PRKN: variants seen among roughly 807,000 people sequenced by gnomAD.
PRKN encodes the protein E3 ubiquitin-protein ligase parkin.
PRKN carries 56 observed loss-of-function variants against 59.5 expected under a neutral mutation model. That is an observed-to-expected ratio of 0.94 (90% confidence interval 0.76 to 1.18). PRKN has a LOEUF of 1.18. Among genes scored for constraint, PRKN ranks in the 50% most tolerant of loss-of-function variants. The pLI is 0.00. For synonymous variants in PRKN, 250 were observed against 222.1 expected, an observed-to-expected ratio of 1.13 and a Z score of -1.12; for missense variants, 657 against 596.4, an observed-to-expected ratio of 1.10 and a Z score of -1.06.
intron 5 of PRKN, among the ~76,000 whole-genome samples, chr6:161,990,579 A>G (rs568919452): frequency 6.6e-6 from 1 of 152,318 alleles, no homozygotes; most frequent in African/African-American, 2.4e-5. Context: ...CTAAACAAAA[A>G]TCCTGGATCT....
intron 7 of PRKN, among the ~76,000 whole-genome samples, chr6:161,657,590 C>T (rs551989943): frequency 1.4e-4 from 21 of 152,278 alleles, no homozygotes; most frequent in African/African-American, 2.2e-4. Flanking sequence ...AAACATTCAA[C>T]GTTGCAACAA....
chr6:161,629,409 A>T (rs1032098336), intron 7 of PRKN, among the ~76,000 whole-genome samples: 3 of 152,070 alleles, frequency 2.0e-5, no homozygotes, highest in Non-Finnish European at 2.9e-5. Context: ...GCACCCCGGC[A>T]GTTGCTGCCC....
rs74697194 is a variant in PRKN at position 162,640,770 on chromosome 6, C to T, written c.7+86892G>A. Among the ~76,000 whole-genome samples the T allele has an allele frequency of 5.6e-4, 85 of 152,274 alleles. 1 individual carries two copies. The East Asian group carries it at 0.013, about 22-fold the overall frequency. ...GTTTGTAAGGCTGTGCTTGACAATT[C>T]CCTGAAGGGGCAATGGTTCATAATG... On this transcript the variant is annotated intron_variant, in intron 1 of 11. Coordinates refer to ENST00000366898, the MANE Select transcript of PRKN (RefSeq NM_004562.3).
chr6:162,131,177 G>A (rs9458466), intron 4 of PRKN, among the ~76,000 whole-genome samples: 2,398 of 152,212 alleles, frequency 0.016, 77 homozygotes, highest in African/African-American at 0.055. Context: ...ATGACTGACT[G>A]AGAATGCATC....
intron 1 of PRKN, among the ~76,000 whole-genome samples, chr6:162,626,385 A>T (rs1233430448): frequency 6.6e-6 from 1 of 152,192 alleles, no homozygotes; most frequent in African/African-American, 2.4e-5. Context: ...TTTTCCCCTC[A>T]AAGGAAGACA....
At chr6:162,335,521 A>C (rs1447462495) in intron 2 of PRKN, among the ~76,000 whole-genome samples, 1 of 152,198 alleles carries the variant, frequency 6.6e-6, no homozygotes, top group Non-Finnish European at 1.5e-5. Context: ...TGTGCCTGTA[A>C]CAATACCAGA....
rs575993080 is a variant in PRKN at position 161,600,964 on chromosome 6, G to A, written c.872-31548C>T. Among the ~76,000 whole-genome samples the A allele has an allele frequency of 2.0e-5, 3 of 152,200 alleles. No individual in the cohort carries two copies. In the South Asian group the frequency reaches 6.2e-4, roughly 32 times the overall value. Reference sequence around the variant, plus strand: ...AAAAATTCATTACAGTTACCCTTGGGAATCATTCTTTCATCCATTCACTCA... The same window carrying A: ...AAAAATTCATTACAGTTACCCTTGGAAATCATTCTTTCATCCATTCACTCA... On this transcript the variant is annotated intron_variant, in intron 7 of 11. Coordinates refer to ENST00000366898, the MANE Select transcript of PRKN (RefSeq NM_004562.3).
intron 2 of PRKN, among the ~76,000 whole-genome samples, chr6:162,353,222 G>A (rs557012857): frequency 6.6e-6 from 1 of 152,120 alleles, no homozygotes; most frequent in East Asian, 1.9e-4. Flanking sequence ...CTTAAGCAAT[G>A]AAAGTCACAC....
chr6:162,154,788 T>C (rs1177699833), intron 4 of PRKN, among the ~76,000 whole-genome samples: 3 of 152,072 alleles, frequency 2.0e-5, no homozygotes, highest in African/African-American at 7.2e-5. Flanking sequence ...TATGAACTCA[T>C]GTACTCTTTC....
chr6:162,236,684 A>G (rs1778736945), intron 3 of PRKN, among the ~76,000 whole-genome samples: 1 of 152,018 alleles, frequency 6.6e-6, no homozygotes, highest in Non-Finnish European at 1.5e-5. Context: ...AATCCCAGCT[A>G]CTCAGGAGGC....
At chr6:161,976,432 C>T (rs772018883) in intron 5 of PRKN, among the ~76,000 whole-genome samples, 8 of 152,252 alleles carry the variant, frequency 5.3e-5, no homozygotes, top group Admixed American at 1.3e-4. Flanking sequence ...TGTGATGGGC[C>T]CAGGCTCAGG....
intron 7 of PRKN, among the ~76,000 whole-genome samples, chr6:161,604,762 C>A (rs1782219226): frequency 6.6e-6 from 1 of 152,182 alleles, no homozygotes; most frequent in Non-Finnish European, 1.5e-5. Flanking sequence ...TGGCGAAACC[C>A]TGTCTCTACC....
intron 2 of PRKN, among the ~76,000 whole-genome samples, chr6:162,358,858 G>A (rs1784995471): frequency 1.3e-5 from 2 of 151,750 alleles, no homozygotes; most frequent in African/African-American, 4.8e-5. Flanking sequence ...TCAGGAGTTG[G>A]AGATAAGCCT....
At chr6:162,153,205 G>A (rs6922241) in intron 4 of PRKN, among the ~76,000 whole-genome samples, 3,487 of 152,366 alleles carry the variant, frequency 0.023, 146 homozygotes, top group African/African-American at 0.08. Context: ...GAGCGTGCAA[G>A]TGAGTGCAGG....
intron 6 of PRKN, among the ~76,000 whole-genome samples, chr6:161,942,207 A>G (rs917780373): frequency 6.6e-6 from 1 of 152,072 alleles, no homozygotes; most frequent in African/African-American, 2.4e-5. Flanking sequence ...TTACTCACCA[A>G]AACAACTCAT....
At position 161,359,979 on chromosome 6, in the gene PRKN, C is replaced by T. The variant is rs1784911151; in HGVS notation, c.1285+109G>A. 7 of 838,382 alleles carry T rather than the reference C, an allele frequency of 8.3e-6. No homozygotes were observed. Among genetic ancestry groups the T allele is most frequent in the Non-Finnish European group, 1.5e-5 (7 of 475,882 alleles). The allele number at this position is 838,382 out of a possible 1,614,324, so 51.9% of individuals were successfully genotyped here. On this transcript the variant is annotated intron_variant, in intron 11 of 11. Transcript: ENST00000366898. The surrounding 1 kb of genome is among the most constrained non-coding windows in gnomAD (Gnocchi z 5.4). ...ACATTAATCGAGGGGTTACCCAACA[C>T]ACCAGGCACCTTCAGACAGCATCTC...
chr6:161,637,860 G>C (rs554969834), intron 7 of PRKN, among the ~76,000 whole-genome samples: 7 of 152,298 alleles, frequency 4.6e-5, no homozygotes, highest in East Asian at 1.9e-4. Flanking sequence ...TGCTCCCAGA[G>C]GGGAGGTGGC....
intron 6 of PRKN, among the ~76,000 whole-genome samples, chr6:161,935,819 C>T (rs528188874): frequency 5.9e-5 from 9 of 152,138 alleles, no homozygotes; most frequent in Non-Finnish European, 1.0e-4. Context: ...CCATCCACAT[C>T]GATTCACAGG....
chr6:162,397,435 T>C (rs1418194665), intron 2 of PRKN, among the ~76,000 whole-genome samples: 3 of 152,060 alleles, frequency 2.0e-5, no homozygotes, highest in East Asian at 3.9e-4. Flanking sequence ...CTTCTTGTAA[T>C]TGAAAGAGTC....
Sources: allele counts gnomAD v4.1 joint callset (sites outside exome capture counted in the v4.1 genomes callset), GRCh38; gene constraint gnomAD v4.1.1; non-coding constraint Gnocchi (gnomAD v3.1); transcripts MANE v1.5; gene names NCBI Gene and HGNC (gene_info 2026-07-23, HGNC 2026-07-21).